The following GPR139 variants were observed in gnomAD, a reference collection of about 807,000 sequenced individuals.
The protein encoded by GPR139 is G protein-coupled receptor 139.
A neutral mutation model predicts 25.8 loss-of-function variants in GPR139; 12 were observed. The ratio of observed to expected loss-of-function variants is 0.47; its 90% CI spans 0.30 to 0.75. The LOEUF is 0.75. Among genes scored for constraint, GPR139 ranks in the 30% least tolerant of loss-of-function variants. GPR139 has a pLI of 0.07. For missense variants in GPR139, 380 were observed against 450.2 expected (o/e 0.84, Z 1.41); for synonymous variants, 184 against 179.9 (o/e 1.02, Z -0.18).
intron 1 of GPR139, among the ~76,000 whole-genome samples, chr16:20,068,724 T>C (rs989736344): frequency 2.6e-5 from 4 of 152,222 alleles, no homozygotes; most frequent in African/African-American, 9.6e-5. Flanking sequence ...TTTTTCATCA[T>C]TAAATGTGTT....
chr16:20,057,598 A>C (rs2057394527), intron 1 of GPR139, among the ~76,000 whole-genome samples: 1 of 146,726 alleles, frequency 6.8e-6, no homozygotes, highest in Non-Finnish European at 1.5e-5. Context: ...CCATCCCTCC[A>C]CCCATCCCTC....
intron 1 of GPR139, among the ~76,000 whole-genome samples, chr16:20,057,635 T>C (rs1045796419): frequency 2.7e-5 from 4 of 149,134 alleles, no homozygotes; most frequent in African/African-American, 9.8e-5. Context: ...CACCCATCCA[T>C]CCATCCAATA....
Position 20,043,073 on chromosome 16 carries a change from G to A in GPR139, c.128-10404C>T, listed in dbSNP as rs1020606782. 5.9e-5 allele frequency among the ~76,000 whole-genome samples: 9 copies of A among 152,212 alleles called. No homozygotes were observed. In the East Asian group the frequency reaches 1.5e-3, roughly 26 times the overall value. Reference sequence around the variant, plus strand: ...AATGTAGACCAGAACAGTTGAGACCGAGCAAGTCTCCTCCTTGCTGATGAG... The same window carrying A: ...AATGTAGACCAGAACAGTTGAGACCAAGCAAGTCTCCTCCTTGCTGATGAG... On this transcript the variant is annotated intron_variant, in intron 1 of 1. Coordinates refer to ENST00000570682, the MANE Select transcript of GPR139 (RefSeq NM_001002911.4).
At chr16:20,040,411 C>T (rs2057325715) in intron 1 of GPR139, among the ~76,000 whole-genome samples, 1 of 152,038 alleles carries the variant, frequency 6.6e-6, no homozygotes, top group Admixed American at 6.6e-5. Flanking sequence ...AATAATTATC[C>T]CCACAAAACG....
In GPR139 at chr16:20,031,635, C is replaced by A; in HGVS notation, c.*100G>T. On this transcript the variant is annotated 3_prime_UTR_variant, in exon 2 of 2. Coordinates refer to ENST00000570682, the MANE Select transcript of GPR139 (RefSeq NM_001002911.4). Reference sequence around the variant, plus strand: ...GCCCAGTCTGCGGGAGACAGGAAATCGGATTAGCACTCTTAAGGAGAGCTG... The same window carrying A: ...GCCCAGTCTGCGGGAGACAGGAAATAGGATTAGCACTCTTAAGGAGAGCTG... 1 of 863,798 alleles carries A rather than the reference C, an allele frequency of 1.2e-6. No individual in the cohort carries two copies. Among genetic ancestry groups the A allele is most frequent in the South Asian group, 1.6e-5 (1 of 61,758 alleles). The allele number at this position is 863,798 out of a possible 1,614,324, so 53.5% of individuals were successfully genotyped here.
At position 20,031,459 on chromosome 16, in the gene GPR139, A is replaced by G; in HGVS notation, c.*276T>C. The G allele has an allele frequency of 4.4e-6, 2 of 453,922 alleles. No individual in the cohort carries two copies. The highest frequency in any genetic ancestry group is 7.2e-5 in the Admixed American group (2 of 27,910). The allele number at this position is 453,922 out of a possible 1,614,324, so 28.1% of individuals were successfully genotyped here. A position where few individuals can be genotyped will look rare whatever the true frequency, so the allele number is the denominator to read the frequency against. On this transcript the variant is annotated 3_prime_UTR_variant, in exon 2 of 2. Transcript: ENST00000570682. ...TCTACTTTGTGTCCTAACTGGTCAC[A>G]GGATGATGACACAAGCTCCAATGGC...
chr16:20,035,149 A>G (rs1434081271), intron 1 of GPR139, among the ~76,000 whole-genome samples: 1 of 152,108 alleles, frequency 6.6e-6, no homozygotes, highest in Non-Finnish European at 1.5e-5. Flanking sequence ...TCTCAGTATT[A>G]CCAGTTTTTT....
intron 1 of GPR139, among the ~76,000 whole-genome samples, chr16:20,041,917 A>G (rs1273035851): frequency 2.6e-5 from 4 of 152,226 alleles, no homozygotes; most frequent in Non-Finnish European, 1.5e-5. Flanking sequence ...CCTTGGGAGG[A>G]TGGCTTTCTG....
chr16:20,058,019 G>T (rs1231750518), intron 1 of GPR139, among the ~76,000 whole-genome samples: 1 of 152,154 alleles, frequency 6.6e-6, no homozygotes, highest in Non-Finnish European at 1.5e-5. Flanking sequence ...CCTTGATAAT[G>T]CAGCCTAAAG....
At position 20,070,643 on chromosome 16, in the gene GPR139, G is replaced by A. The variant is rs187021938; in HGVS notation, c.127+2847C>T. Among the ~76,000 whole-genome samples the A allele has an allele frequency of 4.3e-3, 649 of 152,258 alleles. 1 individual carries two copies. Among genetic ancestry groups the A allele is most frequent in the Non-Finnish European group, 5.9e-3 (401 of 68,028 alleles). On this transcript the variant is annotated intron_variant, in intron 1 of 1. Transcript: ENST00000570682. ...CTCTGCTGTTGCTAAACATTCAGGC[G>A]CTCCCCATCCATCCCTCAGTTCCCA...
Position 20,049,507 on chromosome 16 carries a change from G to A in GPR139, c.128-16838C>T, listed in dbSNP as rs142844911. 1.7e-3 allele frequency among the ~76,000 whole-genome samples: 263 copies of A among 152,296 alleles called. 1 individual carries two copies. Among genetic ancestry groups the A allele is most frequent in the African/African-American group, 5.4e-3 (226 of 41,572 alleles). The stretch of plus-strand genomic sequence containing the variant: ...TGCAATGGGGACATCTTTCCAAAGC[G>A]CTGTTAAGAAGACTGAGTAATTTAA... On this transcript the variant is annotated intron_variant, in intron 1 of 1. Transcript: ENST00000570682.
intron 1 of GPR139, among the ~76,000 whole-genome samples, chr16:20,060,458 T>A (rs922276938): frequency 2.0e-5 from 3 of 152,090 alleles, no homozygotes; most frequent in Admixed American, 1.3e-4. Context: ...TCTGTGTGTC[T>A]GTGTATGCAC....
chr16:20,063,104 T>C (rs956660202), intron 1 of GPR139, among the ~76,000 whole-genome samples: 1 of 152,196 alleles, frequency 6.6e-6, no homozygotes, highest in African/African-American at 2.4e-5. Flanking sequence ...AAAATTCAGT[T>C]CCACAGTTGC....
intron 1 of GPR139, among the ~76,000 whole-genome samples, chr16:20,037,128 T>A (rs980563321): frequency 7.2e-5 from 11 of 152,070 alleles, no homozygotes; most frequent in African/African-American, 2.4e-4. Flanking sequence ...ACTTTTAGAT[T>A]AAAAGCGATA....
Position 20,032,388 on chromosome 16 carries a change from G to A in GPR139, c.409C>T (p.His137Tyr), listed in dbSNP as rs2057293653. 1 of 1,614,082 alleles carries A rather than the reference G, an allele frequency of 6.2e-7. No homozygotes were observed. Among genetic ancestry groups the A allele is most frequent in the South Asian group, 1.1e-5 (1 of 91,088 alleles). The change falls in exon 2 of 2, where the codon CAC (histidine) becomes TAC (tyrosine). Residue 137 changes from histidine (H) to tyrosine (Y), a missense_variant. By Grantham distance (83) the His-to-Tyr change is moderately conservative. Coordinates refer to ENST00000570682, the MANE Select transcript of GPR139 (RefSeq NM_001002911.4). ...GTGCGGGCTGGGTATGAGACCGTGTGGTACTTGAGCGGGTGGCAGACAGCG... is the reference window on the plus strand; with the variant it reads ...GTGCGGGCTGGGTATGAGACCGTGTAGTACTTGAGCGGGTGGCAGACAGCG... Reference protein sequence around the residue: ...YIAVCHPLKYHTVSYPARTRK... With the variant: ...YIAVCHPLKYYTVSYPARTRK...
chr16:20,050,670 G>C (rs1320177715), intron 1 of GPR139, among the ~76,000 whole-genome samples: 3 of 152,222 alleles, frequency 2.0e-5, no homozygotes, highest in Non-Finnish European at 4.4e-5. Flanking sequence ...AACAGTCCCT[G>C]ATTTCAATGG....
chr16:20,068,822 C>A (rs996138527), intron 1 of GPR139, among the ~76,000 whole-genome samples: 2 of 151,810 alleles, frequency 1.3e-5, no homozygotes, highest in African/African-American at 4.8e-5. Context: ...TATCACAAAT[C>A]GATGTTAAAT....
At position 20,045,747 on chromosome 16, in the gene GPR139, A is replaced by C. The variant is rs1253293694; in HGVS notation, c.128-13078T>G. On this transcript the variant is annotated intron_variant, in intron 1 of 1. Coordinates refer to ENST00000570682, the MANE Select transcript of GPR139 (RefSeq NM_001002911.4). Reference sequence around the variant, plus strand: ...ATCACCTCCTTGAAATCCAGGGCATACAACTGAGCTCCTGCCCATTGCCCC... The same window carrying C: ...ATCACCTCCTTGAAATCCAGGGCATCCAACTGAGCTCCTGCCCATTGCCCC... Among the ~76,000 whole-genome samples, 12 of 152,278 alleles carry C rather than the reference A, an allele frequency of 7.9e-5. No individual in the cohort carries two copies. The East Asian group carries it at 2.3e-3, about 29-fold the overall frequency.
chr16:20,068,991 A>G (rs558077865), intron 1 of GPR139, among the ~76,000 whole-genome samples: 296 of 152,020 alleles, frequency 1.9e-3, no homozygotes, highest in African/African-American at 6.4e-3. Context: ...CTGACATGTT[A>G]TTCCTCTTAT....
Sources: gnomAD v4.1 joint callset for allele counts (sites outside exome capture counted in the v4.1 genomes callset) on GRCh38, gnomAD v4.1.1 for gene constraint, MANE v1.5 for transcripts, NCBI Gene and HGNC (gene_info 2026-07-23, HGNC 2026-07-21) for gene names.